Variants in RALGAPA2 observed in about 807,000 individuals in gnomAD.
RALGAPA2 encodes ral GTPase-activating protein subunit alpha-2.
Under a neutral mutation model 230.4 loss-of-function variants are expected in RALGAPA2, and 139 were observed. That is an observed-to-expected ratio of 0.60 (90% CI 0.53 to 0.69). RALGAPA2 has a LOEUF of 0.69. Ranked by LOEUF, RALGAPA2 falls within the 30% of genes least tolerant of loss-of-function variation. RALGAPA2 has a pLI of 0.00. For missense variants in RALGAPA2, 2,163 were observed against 2,276.0 expected, an observed-to-expected ratio of 0.95 and a Z score of 1.01; for synonymous variants, 847 against 837.8, an observed-to-expected ratio of 1.01 and a Z score of -0.19.
intron 17 of RALGAPA2, among the ~76,000 whole-genome samples, chr20:20,590,209 C>T (rs375989003): frequency 6.6e-6 from 1 of 151,964 alleles, no homozygotes; most frequent in Non-Finnish European, 1.5e-5. Flanking sequence ...ATTTCTTGAA[C>T]TTATTCCTCC....
chr20:20,605,530 T>C (rs1025753203), intron 14 of RALGAPA2, 118 bp from the exon 15 acceptor site: 46 of 817,604 alleles, frequency 5.6e-5, no homozygotes, highest in Non-Finnish European at 8.3e-5. Flanking sequence ...AAAGTACTTT[T>C]GGAAGTTGTT....
intron 23 of RALGAPA2, among the ~76,000 whole-genome samples, chr20:20,563,637 G>A (rs1360008680): frequency 6.6e-6 from 1 of 152,158 alleles, no homozygotes; most frequent in Non-Finnish European, 1.5e-5. Flanking sequence ...CAAGACATGA[G>A]TCGAAACTTA....
At chr20:20,656,528 A>G (rs1568714190) in intron 3 of RALGAPA2, among the ~76,000 whole-genome samples, 1 of 151,982 alleles carries the variant, frequency 6.6e-6, no homozygotes, top group Non-Finnish European at 1.5e-5. Context: ...GTTTCAAGGG[A>G]AAAAAAATCA....
chr20:20,558,995 G>A (rs944851474), intron 23 of RALGAPA2, among the ~76,000 whole-genome samples: 1 of 152,072 alleles, frequency 6.6e-6, no homozygotes, highest in Non-Finnish European at 1.5e-5. Context: ...CCCAAGAACA[G>A]ATTAACAACA....
chr20:20,676,094 G>GTAAAAATTATTTGTAGCACA, intron 3 of RALGAPA2, 142 bp downstream of exon 3: 1 of 567,982 alleles, frequency 1.8e-6, no homozygotes, highest in South Asian at 2.9e-5. Flanking sequence ...TGTAAAAGTG[G>GTAAAAATTATTTGTAGCACA]GAGGGTGGGA....
At chr20:20,673,836 G>C (rs181179409) in intron 3 of RALGAPA2, among the ~76,000 whole-genome samples, 230 of 152,230 alleles carry the variant, frequency 1.5e-3, no homozygotes, top group Admixed American at 2.9e-3. Context: ...ACATGAGTAT[G>C]AGAAAGAAAA....
At chr20:20,626,382 T>C (rs2032150573) in intron 10 of RALGAPA2, among the ~76,000 whole-genome samples, 1 of 152,226 alleles carries the variant, frequency 6.6e-6, no homozygotes, top group East Asian at 1.9e-4. Context: ...AAATTAGATC[T>C]GGTTAAGAAA....
intron 23 of RALGAPA2, among the ~76,000 whole-genome samples, chr20:20,556,554 A>G (rs1335754396): frequency 6.6e-6 from 1 of 152,214 alleles, no homozygotes; most frequent in African/African-American, 2.4e-5. Flanking sequence ...CTACACCATT[A>G]CAGTTTGTAC....
At chr20:20,458,011 C>T (rs1020187345) in intron 37 of RALGAPA2, among the ~76,000 whole-genome samples, 31 of 152,308 alleles carry the variant, frequency 2.0e-4, no homozygotes, top group African/African-American at 6.3e-4. Flanking sequence ...CTGGCAGTGA[C>T]GTGGCTGACT....
At chr20:20,633,215 A>G (rs1393117653) in intron 9 of RALGAPA2, among the ~76,000 whole-genome samples, 1 of 151,524 alleles carries the variant, frequency 6.6e-6, no homozygotes, top group Non-Finnish European at 1.5e-5. Flanking sequence ...GCTCACTCCA[A>G]CCTCCACCTC....
chr20:20,497,509 C>A (rs1472622196), intron 35 of RALGAPA2, among the ~76,000 whole-genome samples: 1 of 152,178 alleles, frequency 6.6e-6, no homozygotes, highest in East Asian at 1.9e-4. Context: ...TGAATGGAAA[C>A]ACTCACCTAC....
At chr20:20,533,874 TAAA>T in intron 26 of RALGAPA2, among the ~76,000 whole-genome samples, 2 of 152,276 alleles carry the variant, frequency 1.3e-5, no homozygotes, top group East Asian at 3.8e-4. Context: ...AATATAGTCT[TAAA>T]TGTTTATATC....
intron 5 of RALGAPA2, among the ~76,000 whole-genome samples, chr20:20,642,740 C>T (rs563562832): frequency 2.0e-5 from 3 of 152,200 alleles, no homozygotes; most frequent in South Asian, 4.2e-4. Context: ...CTAGGAATAA[C>T]TCACTTCGTT....
chr20:20,546,813 A>G lies in RALGAPA2; in HGVS notation c.3176T>C (p.Ile1059Thr). Residue 1059 changes from isoleucine (I) to threonine (T), a missense_variant, in exon 24 of 40, where the codon ATA becomes ACA. By Grantham distance (89) the Ile-to-Thr change is moderately conservative. Transcript: ENST00000202677. ...GAAAAAGCGGGGTGGACAGTGCCTT[A>G]TGATCGTATTTAAGATATCCTAAAA... is the stretch of plus-strand genomic sequence containing the variant. Reference protein sequence around the residue: ...SEDQDILNTIIRHCPPRFFSL... With the variant: ...SEDQDILNTITRHCPPRFFSL... The G allele has an allele frequency of 6.3e-7, 1 of 1,598,220 alleles. No individual in the cohort carries two copies. The highest frequency in any genetic ancestry group is 8.5e-7 in the Non-Finnish European group (1 of 1,175,564).
intron 23 of RALGAPA2, among the ~76,000 whole-genome samples, chr20:20,558,511 C>T (rs1294633554): frequency 6.6e-6 from 1 of 152,112 alleles, no homozygotes; most frequent in Non-Finnish European, 1.5e-5. Context: ...GAAGTATTAT[C>T]AGATGAAGGA....
chr20:20,506,534 C>T (rs1403507502), intron 33 of RALGAPA2, among the ~76,000 whole-genome samples: 1 of 152,138 alleles, frequency 6.6e-6, no homozygotes, highest in Non-Finnish European at 1.5e-5. Context: ...AGCCCAATCA[C>T]CCAAGAGTTT....
intron 6 of RALGAPA2, among the ~76,000 whole-genome samples, chr20:20,640,169 G>A (rs780022903): frequency 3.9e-5 from 6 of 152,102 alleles, no homozygotes; most frequent in Non-Finnish European, 7.4e-5. Context: ...AAGCAATAAC[G>A]CAATATACAG....
chr20:20,565,751 T>C (rs2064398694), intron 23 of RALGAPA2, among the ~76,000 whole-genome samples: 2 of 152,192 alleles, frequency 1.3e-5, no homozygotes, highest in Admixed American at 1.3e-4. Flanking sequence ...GGCTAAAATT[T>C]TAAAAATACA....
intron 39 of RALGAPA2, 59 bp downstream of exon 39, chr20:20,396,636 G>A: frequency 6.7e-7 from 1 of 1,497,038 alleles, no homozygotes; most frequent in Non-Finnish European, 9.2e-7. Flanking sequence ...GATTAGAAAA[G>A]TCCCACCCCC....
Sources: gnomAD v4.1 joint callset for allele counts (sites outside exome capture counted in the v4.1 genomes callset) on GRCh38, gnomAD v4.1.1 for gene constraint, MANE v1.5 for transcripts, NCBI Gene and HGNC (gene_info 2026-07-23, HGNC 2026-07-21) for gene names.